The following RPN2 variants were observed in gnomAD, a reference collection of about 807,000 sequenced individuals.
RPN2 encodes ribophorin II.
In RPN2, 29 loss-of-function variants were observed where a neutral mutation model predicts 71.4. The observed-to-expected ratio is 0.41, with a 90% CI of 0.30 to 0.55. The LOEUF (loss-of-function observed/expected upper bound fraction) is 0.55, where lower values mean the gene tolerates loss of function less well. Among genes scored for constraint, RPN2 ranks in the 20% least tolerant of loss-of-function variants. The pLI is 0.35. For missense variants in RPN2, 726 were observed against 774.1 expected, an observed-to-expected ratio of 0.94 and a Z score of 0.74; for synonymous variants, 308 against 305.0, an observed-to-expected ratio of 1.01 and a Z score of -0.10.
intron 15 of RPN2, among the ~76,000 whole-genome samples, chr20:37,235,481 C>T (rs935819922): frequency 2.6e-5 from 4 of 152,132 alleles, no homozygotes; most frequent in African/African-American, 9.7e-5. Context: ...AGGGCCTGGA[C>T]CAGGCCCCAG....
Position 37,241,316 on chromosome 20 carries a change from T to C in RPN2, c.*1T>C, listed in dbSNP as rs1016046655. On this transcript the variant is annotated 3_prime_UTR_variant, in exon 17 of 17. Transcript: ENST00000237530. ...ATTTTCTTTCAGAACAGCACATTAG[T>C]TCCAGAAGAAAGATGGAAATTCTGA... 1.9e-6 allele frequency: 3 copies of C among 1,612,710 alleles called. No individual in the cohort carries two copies. Among genetic ancestry groups the C allele is most frequent in the African/African-American group, 2.7e-5 (2 of 74,884 alleles).
rs780662238 is a variant in RPN2, at chr20:37,191,658, C to CT, written c.208-6726dup. On this transcript the variant is annotated intron_variant, in intron 2 of 16. Transcript: ENST00000237530. ...TGGCGGGTGCCTGTAGTCCCAGCTA[C>CT]TTTTTTTTTTTTTGAGACTCTGTCT... Among the ~76,000 whole-genome samples the CT allele has an allele frequency of 2.9e-3, 416 of 144,668 alleles. 2 individuals carry two copies. The highest frequency in any genetic ancestry group is 6.2e-3 in the African/African-American group (245 of 39,620). 94.9% of individuals were successfully genotyped at this position (144,668 alleles called of 152,430 possible). A position where few individuals can be genotyped will look rare whatever the true frequency, so the allele number is the denominator to read the frequency against.
intron 3 of RPN2, 62 bp downstream of exon 3, chr20:37,198,554 A>T: frequency 6.2e-7 from 1 of 1,611,950 alleles, no homozygotes; most frequent in Non-Finnish European, 8.5e-7. Context: ...TTTAAAGGGG[A>T]GGAGTCATGT....
intron 9 of RPN2, among the ~76,000 whole-genome samples, chr20:37,216,602 C>T (rs2067811707): frequency 6.6e-6 from 1 of 152,008 alleles, no homozygotes; most frequent in Non-Finnish European, 1.5e-5. Flanking sequence ...GCTGGGACTA[C>T]AGGTGCATGC....
In RPN2 at chr20:37,204,804, A is replaced by G; in HGVS notation, c.593A>G (p.Tyr198Cys). The G allele has an allele frequency of 6.2e-7, 1 of 1,614,068 alleles. No homozygotes were observed. Among genetic ancestry groups the G allele is most frequent in the Non-Finnish European group, 8.5e-7 (1 of 1,179,998 alleles). Residue 198 changes from tyrosine (Y) to cysteine (C), a missense_variant, in exon 6 of 17, where the codon TAT (tyrosine) becomes TGT (cysteine). Physicochemically the swap from Tyr to Cys is radical, Grantham distance 194 (BLOSUM62 -2). Transcript: ENST00000237530. The stretch of plus-strand genomic sequence containing the variant: ...CGCCTGGATGAACTCGGGGGCGTGT[A>G]TCTCCAGTTTGAAGAAGGACTGGAA... ...VARLDELGGV[Y>C]LQFEEGLETT...
At chr20:37,224,076 C>T in intron 10 of RPN2, 107 bp downstream of exon 10, 2 of 873,912 alleles carry the variant, frequency 2.3e-6, no homozygotes, top group Non-Finnish European at 3.8e-6. Context: ...CAGCAGCCAT[C>T]CAGCTTACAT....
intron 10 of RPN2, 42 bp from the exon 11 acceptor site, chr20:37,225,646 T>A (rs1400019277): frequency 2.0e-5 from 26 of 1,305,048 alleles, no homozygotes; most frequent in Non-Finnish European, 2.7e-5. Flanking sequence ...CTCAGAGATA[T>A]ACTGATCCTC....
At chr20:37,181,850 C>T (rs1279251820) in intron 1 of RPN2, among the ~76,000 whole-genome samples, 1 of 152,156 alleles carries the variant, frequency 6.6e-6, no homozygotes, top group Non-Finnish European at 1.5e-5. Flanking sequence ...CAGCCCTTCC[C>T]AAATATCTCT....
rs138732936 is a variant in RPN2, at chr20:37,237,884, G to A, written c.1883+1175G>A. ...CTGCTAAGTTCTCTCTTTTCTGGAA[G>A]TTGCTCACTCGAGAAGAATGAAATC... On this transcript the variant is annotated intron_variant, in intron 16 of 16. Transcript: ENST00000237530. Among the ~76,000 whole-genome samples, 74 of 152,294 alleles carry A rather than the reference G, an allele frequency of 4.9e-4. No individual in the cohort carries two copies. In the East Asian group the frequency reaches 0.012, roughly 24 times the overall value.
At chr20:37,238,422 G>A in intron 16 of RPN2, 1 of 1,609,888 alleles carries the variant, frequency 6.2e-7, no homozygotes, top group Non-Finnish European at 8.5e-7. Context: ...GAGCAGAGCA[G>A]TAGATTGGCA....
rs763650715 is a variant in RPN2 at position 37,210,196 on chromosome 20, T to C, written c.986+31T>C. 1.5e-5 allele frequency: 24 copies of C among 1,611,480 alleles called. No individual in the cohort carries two copies. The South Asian group carries it at 2.2e-4, about 15-fold the overall frequency. On this transcript the variant is annotated intron_variant, in intron 8 of 16. Transcript: ENST00000237530. The stretch of plus-strand genomic sequence containing the variant: ...TCCTGATCATATTTTGGTGGGGCGC[T>C]GACCTCTTTGTTTTGGAAAGTTAGC...
intron 16 of RPN2, among the ~76,000 whole-genome samples, chr20:37,240,587 TACTC>T (rs2068525296): frequency 6.6e-6 from 1 of 152,206 alleles, no homozygotes; most frequent in Admixed American, 6.5e-5. Flanking sequence ...TGGGATCAGT[TACTC>T]ACTGCAGTCA....
intron 7 of RPN2, 21 bp downstream of exon 7, chr20:37,207,470 G>C: frequency 6.2e-7 from 1 of 1,612,374 alleles, no homozygotes; most frequent in South Asian, 1.1e-5. Context: ...CATGCCCAAA[G>C]TGTGCCCCTC....
intron 4 of RPN2, among the ~76,000 whole-genome samples, chr20:37,202,738 A>G (rs77108104): frequency 0.012 from 1,880 of 152,364 alleles, 37 homozygotes; most frequent in African/African-American, 0.043. Context: ...AAGTGCAGAT[A>G]CGTGCTACAA....
chr20:37,218,624 A>G (rs915347186), intron 9 of RPN2, among the ~76,000 whole-genome samples: 33 of 152,024 alleles, frequency 2.2e-4, no homozygotes, highest in Non-Finnish European at 5.9e-5. Flanking sequence ...CCCTTGCCAC[A>G]ATGCCATTCC....
Position 37,213,761 on chromosome 20 carries a change from G to A in RPN2, c.988G>A (p.Asp330Asn). 6.2e-7 allele frequency: 1 copy of A among 1,610,948 alleles called. No individual in the cohort carries two copies. Reference protein sequence around the residue: ...LQKTSFTPVGDVFELNFMNVK... With the variant: ...LQKTSFTPVGNVFELNFMNVK... ...TAAGCCCATTGTCATTCTTAACAGG[G>A]ATGTTTTTGAACTAAATTTCATGAA... The change falls in exon 9 of 17, where the codon GAT becomes AAT. Residue 330 changes from aspartate (D) to asparagine (N), a missense_variant and splice_region_variant. Coordinates refer to ENST00000237530, the MANE Select transcript of RPN2 (RefSeq NM_002951.5).
At chr20:37,205,018 G>T in intron 6 of RPN2, 117 bp downstream of exon 6, 1 of 1,427,980 alleles carries the variant, frequency 7.0e-7, no homozygotes, top group African/African-American at 1.4e-5. Flanking sequence ...CTGTCACTCA[G>T]TGTCCTGGGT....
Position 37,199,218 on chromosome 20 carries a change from G to A in RPN2, c.472G>A (p.Val158Met). Residue 158 changes from valine (V) to methionine (M), a missense_variant, in exon 4 of 17, where the codon GTG (valine) becomes ATG (methionine). Physicochemically the swap from Val to Met is conservative, Grantham distance 21 (BLOSUM62 1). Coordinates refer to ENST00000237530, the MANE Select transcript of RPN2 (RefSeq NM_002951.5). Reference protein sequence around the residue: ...LTARLSKEETVLATVQALQTA... With the variant: ...LTARLSKEETMLATVQALQTA... ...TGCTCGTCTCAGCAAGGAGGAGACT[G>A]TGCTGGCGTGAGTTGTCATCTCGAG... 4.3e-6 allele frequency: 7 copies of A among 1,613,762 alleles called. No homozygotes were observed. The highest frequency in any genetic ancestry group is 5.9e-6 in the Non-Finnish European group (7 of 1,180,034).
At chr20:37,236,825 ACAC>A (rs1295868588) in intron 16 of RPN2, 116 bp downstream of exon 16, 1 of 1,045,318 alleles carries the variant, frequency 9.6e-7, no homozygotes, top group Admixed American at 1.9e-5. Context: ...GGCAAGTCTG[ACAC>A]CCTAATCTAG....
Sources: gnomAD v4.1 joint callset for allele counts (sites outside exome capture counted in the v4.1 genomes callset) on GRCh38, gnomAD v4.1.1 for gene constraint, MANE v1.5 for transcripts, NCBI Gene and HGNC (gene_info 2026-07-23, HGNC 2026-07-21) for gene names.